XPR1: variants seen among roughly 807,000 people sequenced by gnomAD.
XPR1 encodes the protein solute carrier family 53 member 1.
In XPR1, 28 loss-of-function variants were observed where a neutral mutation model predicts 87.5. The ratio of observed to expected loss-of-function variants is 0.32; its 90% confidence interval spans 0.24 to 0.44. The LOEUF is 0.44. Among genes scored for constraint, XPR1 ranks in the 20% least tolerant of loss-of-function variants. The pLI, the probability that XPR1 is intolerant of heterozygous loss-of-function variation, is 1.00. For synonymous variants in XPR1, 300 were observed against 306.1 expected (o/e 0.98, Z 0.21); for missense variants, 559 against 862.3 (o/e 0.65, Z 4.41).
intron 2 of XPR1, among the ~76,000 whole-genome samples, chr1:180,692,724 A>T (rs1014945980): frequency 6.6e-6 from 1 of 152,162 alleles, no homozygotes; most frequent in African/African-American, 2.4e-5. Context: ...TTGAAGAAAT[A>T]TCTACTTCTT....
Position 180,675,314 on chromosome 1 carries a change from G to T in XPR1, c.70-7046G>T, listed in dbSNP as rs138695184. Among the ~76,000 whole-genome samples, 1,197 of 152,192 alleles carry T rather than the reference G, an allele frequency of 7.9e-3. 17 individuals carry two copies. Among genetic ancestry groups the T allele is most frequent in the African/African-American group, 0.028 (1,143 of 41,526 alleles). Reference sequence around the variant, plus strand: ...GTTGCAAAAGAAAAGGAGCAGACAGGGTAATAGTCAATTATGTATTAGTCT... The same window carrying T: ...GTTGCAAAAGAAAAGGAGCAGACAGTGTAATAGTCAATTATGTATTAGTCT... On this transcript the variant is annotated intron_variant, in intron 1 of 14. Transcript: ENST00000367590.
At position 180,889,810 on chromosome 1, in the gene XPR1, C is replaced by T. The variant is rs1364092120; in HGVS notation, c.*5744C>T. 4 of 152,224 alleles carry T rather than the reference C, an allele frequency of 2.6e-5. No individual in the cohort carries two copies. The highest frequency in any genetic ancestry group is 4.4e-5 in the Non-Finnish European group (3 of 68,044). 9.4% of individuals were successfully genotyped at this position (152,224 alleles called of 1,614,324 possible). ...ATTTGTGTTTCCTTCACCCCTCTCC[C>T]TCCACCACACTGTGTTGGTCAAATG... is the stretch of plus-strand genomic sequence containing the variant. On this transcript the variant is annotated 3_prime_UTR_variant, in exon 15 of 15. Transcript: ENST00000367590.
At chr1:180,750,130 A>AAT (rs1647471454) in intron 2 of XPR1, among the ~76,000 whole-genome samples, 1 of 152,108 alleles carries the variant, frequency 6.6e-6, no homozygotes, top group Admixed American at 6.5e-5. Context: ...TTTTGCTTTT[A>AAT]ATTTGGAAAC....
At chr1:180,876,390 C>CT in intron 13 of XPR1, among the ~76,000 whole-genome samples, 1 of 152,288 alleles carries the variant, frequency 6.6e-6, no homozygotes, top group East Asian at 1.9e-4. Context: ...AATCCCAGCA[C>CT]TTTGGGAGGC....
intron 6 of XPR1, among the ~76,000 whole-genome samples, chr1:180,806,855 A>G (rs1650009162): frequency 6.6e-6 from 1 of 152,292 alleles, no homozygotes; most frequent in East Asian, 1.9e-4. Context: ...GTGGGTTCAG[A>G]TATACTGGAT....
chr1:180,704,351 A>G (rs1022753644), intron 2 of XPR1, among the ~76,000 whole-genome samples: 1 of 147,828 alleles, frequency 6.8e-6, no homozygotes, highest in Non-Finnish European at 1.5e-5. Flanking sequence ...TAAGGTTTAC[A>G]AAATGGTGAT....
chr1:180,858,353 GT>G lies in XPR1; in HGVS notation c.1502-5348del, dbSNP rs919724906. Among the ~76,000 whole-genome samples the G allele has an allele frequency of 8.5e-5, 13 of 152,092 alleles. No individual in the cohort carries two copies. In the South Asian group the frequency reaches 2.5e-3, roughly 29 times the overall value. ...TCCCTCATCTGAGATAACCACTTCT[GT>G]TTTTTTCCCATAAACATAATTTTAT... On this transcript the variant is annotated intron_variant, in intron 11 of 14. Transcript: ENST00000367590.
intron 2 of XPR1, among the ~76,000 whole-genome samples, chr1:180,683,650 T>G (rs891910978): frequency 6.6e-6 from 1 of 152,210 alleles, no homozygotes; most frequent in Admixed American, 6.5e-5. Flanking sequence ...TTTTTAATGA[T>G]CATCATTCTA....
intron 11 of XPR1, among the ~76,000 whole-genome samples, chr1:180,848,466 A>T (rs1040126727): frequency 1.4e-4 from 22 of 152,112 alleles, no homozygotes; most frequent in Admixed American, 2.6e-4. Context: ...CTCCAGTTCC[A>T]TCTGTTTTGC....
At position 180,816,563 on chromosome 1, in the gene XPR1, A is replaced by G. The variant is rs572460817; in HGVS notation, c.763+5075A>G. Among the ~76,000 whole-genome samples the G allele has an allele frequency of 5.9e-5, 9 of 152,352 alleles. No homozygotes were observed. The East Asian group carries it at 1.7e-3, about 29-fold the overall frequency. On this transcript the variant is annotated intron_variant, in intron 7 of 14. Transcript: ENST00000367590. ...ATATTGTTTGTAATAGTATCCAGTC[A>G]TGTACCATGTAACAATGTCTTGGTC...
chr1:180,691,867 C>CT (rs761293731), intron 2 of XPR1, among the ~76,000 whole-genome samples: 1 of 152,166 alleles, frequency 6.6e-6, no homozygotes, highest in Non-Finnish European at 1.5e-5. Flanking sequence ...TGTGAGCTTG[C>CT]TTTTTAATTC....
Position 180,837,333 on chromosome 1 carries a change from G to A in XPR1, c.1501+617G>A, listed in dbSNP as rs527487215. On this transcript the variant is annotated intron_variant, in intron 11 of 14. Coordinates refer to ENST00000367590, the MANE Select transcript of XPR1 (RefSeq NM_004736.4). Reference sequence around the variant, plus strand: ...ATCTCACTTCCTTTTAGTAAAATGCGTTCCATCTTTGTCTTTTTAAGTCAA... The same window carrying A: ...ATCTCACTTCCTTTTAGTAAAATGCATTCCATCTTTGTCTTTTTAAGTCAA... 3.2e-4 allele frequency among the ~76,000 whole-genome samples: 48 copies of A among 152,266 alleles called. No homozygotes were observed. The South Asian group carries it at 9.1e-3, about 29-fold the overall frequency.
intron 3 of XPR1, among the ~76,000 whole-genome samples, chr1:180,794,596 A>G (rs1172486714): frequency 6.6e-6 from 1 of 152,234 alleles, no homozygotes; most frequent in Non-Finnish European, 1.5e-5. Context: ...CCTTGAATTT[A>G]CTTGGAGGAA....
At chr1:180,696,196 GTGTGTGTGTGTGTATATATATATA>G (rs1298290623) in intron 2 of XPR1, among the ~76,000 whole-genome samples, 7 of 114,136 alleles carry the variant, frequency 6.1e-5, no homozygotes, top group Middle Eastern at 4.0e-3. Flanking sequence ...GTGTGTGTGT[GTGTGTGTGTGTGTATATATATATA>G]TATATATATA....
chr1:180,728,670 G>T (rs748504608), intron 2 of XPR1, among the ~76,000 whole-genome samples: 2 of 152,180 alleles, frequency 1.3e-5, no homozygotes, highest in Non-Finnish European at 2.9e-5. Flanking sequence ...TTATTTTACA[G>T]GTGAGGTAAT....
chr1:180,782,076 T>C (rs1433912462), intron 2 of XPR1, among the ~76,000 whole-genome samples: 1 of 152,044 alleles, frequency 6.6e-6, no homozygotes, highest in African/African-American at 2.4e-5. Flanking sequence ...ACTGATTTAA[T>C]ATTTATTTAA....
At chr1:180,673,524 G>A (rs930922608) in intron 1 of XPR1, among the ~76,000 whole-genome samples, 1 of 152,164 alleles carries the variant, frequency 6.6e-6, no homozygotes, top group African/African-American at 2.4e-5. Context: ...GACCAGTACT[G>A]GGCCATGGCC....
intron 2 of XPR1, among the ~76,000 whole-genome samples, chr1:180,730,276 T>A (rs1658507245): frequency 6.6e-6 from 1 of 152,202 alleles, no homozygotes; most frequent in African/African-American, 2.4e-5. Flanking sequence ...TACCATGCTG[T>A]TTTGTTTACT....
At chr1:180,748,146 A>C (rs1647339263) in intron 2 of XPR1, among the ~76,000 whole-genome samples, 1 of 152,154 alleles carries the variant, frequency 6.6e-6, no homozygotes, top group Non-Finnish European at 1.5e-5. Flanking sequence ...TGGACAAATC[A>C]TTGCTAAGTT....
Sources: gnomAD v4.1 joint callset for allele counts (sites outside exome capture counted in the v4.1 genomes callset) on GRCh38, gnomAD v4.1.1 for gene constraint, MANE v1.5 for transcripts, NCBI Gene and HGNC (gene_info 2026-07-23, HGNC 2026-07-21) for gene names.